The following TLN2 variants were observed in gnomAD, a reference collection of about 807,000 sequenced individuals.
The protein encoded by TLN2 is talin 2.
TLN2 carries 118 observed loss-of-function variants against 294.7 expected under a neutral mutation model. That is an observed-to-expected ratio of 0.40 (90% CI 0.34 to 0.47). The LOEUF is 0.47. Among genes scored for constraint, TLN2 ranks in the 20% least tolerant of loss-of-function variants. TLN2 has a pLI of 0.84. For missense variants in TLN2, 3,083 were observed against 3,282.2 expected, an observed-to-expected ratio of 0.94 and a Z score of 1.48; for synonymous variants, 1,431 against 1,304.5, an observed-to-expected ratio of 1.10 and a Z score of -2.09.
chr15:62,815,217 ACACACACACACACACT>A (rs1357678647), intron 52 of TLN2, among the ~76,000 whole-genome samples: 37 of 150,642 alleles, frequency 2.5e-4, no homozygotes, highest in African/African-American at 7.4e-4. Context: ...ACACACACAC[ACACACACACACACACT>A]CACTCGCTCT....
chr15:62,704,458 A>G (rs1374557192), intron 19 of TLN2, among the ~76,000 whole-genome samples: 2 of 152,188 alleles, frequency 1.3e-5, no homozygotes, highest in Admixed American at 6.5e-5. Flanking sequence ...TATAAGCATA[A>G]GATGTGTTAG....
intron 9 of TLN2, among the ~76,000 whole-genome samples, chr15:62,667,124 C>T (rs1426800480): frequency 6.6e-6 from 1 of 152,128 alleles, no homozygotes; most frequent in East Asian, 1.9e-4. Context: ...CACCACCACG[C>T]CCGGCTAATT....
intron 1 of TLN2, among the ~76,000 whole-genome samples, chr15:62,484,685 A>C (rs1470842248): frequency 6.6e-6 from 1 of 152,028 alleles, no homozygotes; most frequent in African/African-American, 2.4e-5. Context: ...TCAGCCTCCC[A>C]AAGTGCTGGG....
chr15:62,542,015 C>A (rs550216653), intron 1 of TLN2, among the ~76,000 whole-genome samples: 11 of 151,772 alleles, frequency 7.2e-5, no homozygotes, highest in African/African-American at 2.7e-4. Context: ...TCATAAGATG[C>A]AAAGAGTGTT....
intron 1 of TLN2, among the ~76,000 whole-genome samples, chr15:62,530,481 C>T (rs1341149071): frequency 2.0e-5 from 3 of 152,090 alleles, no homozygotes; most frequent in Non-Finnish European, 2.9e-5. Flanking sequence ...CCCCAGCCTC[C>T]AAGTAGTTGG....
intron 1 of TLN2, among the ~76,000 whole-genome samples, chr15:62,484,190 A>G (rs2038258094): frequency 6.6e-6 from 1 of 152,146 alleles, no homozygotes; most frequent in African/African-American, 2.4e-5. Context: ...GGGGTAGTTT[A>G]CTGATGAAGT....
At chr15:62,750,976 GT>G (rs1229486499) in intron 34 of TLN2, among the ~76,000 whole-genome samples, 1 of 151,808 alleles carries the variant, frequency 6.6e-6, no homozygotes, top group Non-Finnish European at 1.5e-5. Context: ...GGGTGAAATT[GT>G]TTTGTTTTGT....
intron 2 of TLN2, among the ~76,000 whole-genome samples, chr15:62,601,016 A>G (rs1346491719): frequency 6.6e-6 from 1 of 152,174 alleles, no homozygotes; most frequent in Non-Finnish European, 1.5e-5. Flanking sequence ...CATTGCAGTT[A>G]GTTAATATGT....
At chr15:62,833,384 G>C in intron 54 of TLN2, 120 bp from the exon 55 acceptor site, 1 of 1,433,362 alleles carries the variant, frequency 7.0e-7, no homozygotes, top group Non-Finnish European at 9.5e-7. Flanking sequence ...TTCAGGTGTG[G>C]TTTGTCAACA....
At chr15:62,719,607 G>A (rs1300006717) in intron 24 of TLN2, among the ~76,000 whole-genome samples, 160 bp from the exon 25 acceptor site, 1 of 152,210 alleles carries the variant, frequency 6.6e-6, no homozygotes, top group Non-Finnish European at 1.5e-5. Context: ...TGTTGGTAAG[G>A]ACCCAGCTGG....
At chr15:62,518,282 C>T (rs1395147897) in intron 1 of TLN2, among the ~76,000 whole-genome samples, 1 of 152,164 alleles carries the variant, frequency 6.6e-6, no homozygotes, top group Non-Finnish European at 1.5e-5. Context: ...TGTGATCTGC[C>T]TGCTTCGGCC....
At chr15:62,588,120 T>A (rs2045772663) in intron 1 of TLN2, among the ~76,000 whole-genome samples, 1 of 152,086 alleles carries the variant, frequency 6.6e-6, no homozygotes, top group African/African-American at 2.4e-5. Context: ...GACCTCGTGA[T>A]CTGCCCGCCT....
chr15:62,605,667 T>G (rs936811361), intron 2 of TLN2, among the ~76,000 whole-genome samples: 2 of 152,182 alleles, frequency 1.3e-5, no homozygotes, highest in African/African-American at 4.8e-5. Flanking sequence ...AGATCTTGCT[T>G]CTTGTGGATA....
At chr15:62,533,344 A>G (rs575439057) in intron 1 of TLN2, among the ~76,000 whole-genome samples, 14 of 151,092 alleles carry the variant, frequency 9.3e-5, no homozygotes, top group African/African-American at 2.9e-4. Context: ...CATGTTCCAC[A>G]CTTTGAGAGC....
intron 1 of TLN2, among the ~76,000 whole-genome samples, chr15:62,535,991 G>A (rs938052913): frequency 5.9e-5 from 9 of 152,216 alleles, no homozygotes; most frequent in Admixed American, 5.9e-4. Context: ...TTTCACAAAT[G>A]TACTTTTGGA....
Position 62,840,484 on chromosome 15 carries a change from C to T in TLN2, c.7503C>T (p.Ile2501=). ...KTKFVGGIAQ[I]IAAQEEMLKK... is the part of the protein sequence containing the mutation. The stretch of plus-strand genomic sequence containing the variant: ...CCAGCTTGTTGCTTTCTTTCTAGAT[C>T]ATCGCCGCCCAGGAAGAAATGCTAA... The change falls in exon 59 of 59, where the codon ATC becomes ATT. Residue 2501 remains isoleucine (I), a splice_region_variant and synonymous_variant. Transcript: ENST00000636159. 2 of 1,614,058 alleles carry T rather than the reference C, an allele frequency of 1.2e-6. No individual in the cohort carries two copies. Among genetic ancestry groups the T allele is most frequent in the Non-Finnish European group, 1.7e-6 (2 of 1,179,972 alleles).
intron 1 of TLN2, among the ~76,000 whole-genome samples, chr15:62,398,812 G>T (rs936543123): frequency 1.3e-5 from 2 of 152,178 alleles, no homozygotes; most frequent in East Asian, 3.9e-4. Flanking sequence ...GAGCATAAAA[G>T]TTTAGAAGAT....
At chr15:62,752,465 C>G in intron 35 of TLN2, 38 bp downstream of exon 35, 1 of 1,607,014 alleles carries the variant, frequency 6.2e-7, no homozygotes, top group Non-Finnish European at 8.5e-7. Context: ...GTGCCCTGTG[C>G]CAGATCCCTG....
At chr15:62,547,879 C>T (rs2042081260) in intron 1 of TLN2, among the ~76,000 whole-genome samples, 1 of 148,700 alleles carries the variant, frequency 6.7e-6, no homozygotes, top group South Asian at 2.1e-4. Flanking sequence ...AAATTGCTGT[C>T]TATCCTCTAC....
Sources: gnomAD v4.1 joint callset for allele counts (sites outside exome capture counted in the v4.1 genomes callset) on GRCh38, gnomAD v4.1.1 for gene constraint, MANE v1.5 for transcripts, NCBI Gene and HGNC (gene_info 2026-07-23, HGNC 2026-07-21) for gene names.